KCNJ9: variants seen among roughly 807,000 people sequenced by gnomAD.
The protein encoded by KCNJ9 is G protein-activated inward rectifier potassium channel 3.
In KCNJ9, 18 loss-of-function variants were observed where a neutral mutation model predicts 27.9. That is an observed-to-expected ratio of 0.65 (90% CI 0.45 to 0.96). The LOEUF is 0.96. Among genes scored for constraint, KCNJ9 ranks in the 40% least tolerant of loss-of-function variants. KCNJ9 has a pLI of 0.00. For missense variants in KCNJ9, 324 were observed against 557.5 expected, an observed-to-expected ratio of 0.58 and a Z score of 4.22; for synonymous variants, 229 against 248.2, an observed-to-expected ratio of 0.92 and a Z score of 0.73.
chr1:160,084,058 C>T lies in KCNJ9; in HGVS notation c.28C>T (p.Pro10Ser), dbSNP rs1649731150. The T allele has an allele frequency of 6.5e-7, 1 of 1,528,570 alleles. No individual in the cohort carries two copies. Among genetic ancestry groups the T allele is most frequent in the East Asian group, 2.5e-5 (1 of 40,560 alleles). 94.7% of individuals were successfully genotyped at this position (1,528,570 alleles called of 1,614,324 possible). Residue 10 changes from proline to serine, a missense_variant, in exon 2 of 3, where the codon CCC becomes TCC. Physicochemically the swap from Pro to Ser is moderately conservative, Grantham distance 74. This residue lies in a region of KCNJ9 where 32 missense variants were observed against 31.7 expected (regional missense o/e 1.01). Coordinates refer to ENST00000368088, the MANE Select transcript of KCNJ9 (RefSeq NM_004983.3). MAQENAAFSPGQEEPPRRRG... is the reference protein window; with the variant it reads MAQENAAFSSGQEEPPRRRG... ...GGCGCAGGAGAACGCGGCCTTCTCG[C>T]CCGGGCAGGAGGAGCCGCCGCGGCG...
At chr1:160,082,963 G>C (rs1343818260) in intron 1 of KCNJ9, among the ~76,000 whole-genome samples, 2 of 152,182 alleles carry the variant, frequency 1.3e-5, no homozygotes, top group Non-Finnish European at 2.9e-5. Context: ...TGTTAGGATA[G>C]TCCATGGGAA....
rs761164130 is a variant in KCNJ9 at position 160,087,469 on chromosome 1, G to A, written c.851-17G>A. On this transcript the variant is annotated splice_polypyrimidine_tract_variant and intron_variant, in intron 2 of 2. Transcript: ENST00000368088. ...CCTGGAGCTGAGATTCCCCCTGACC[G>A]GTGCCCCTCCTCCCAGGAATGACAT... The A allele has an allele frequency of 2.1e-5, 33 of 1,577,400 alleles. No individual in the cohort carries two copies. Among genetic ancestry groups the A allele is most frequent in the Admixed American group, 6.9e-5 (4 of 58,130 alleles).
chr1:160,089,877 T>C lies in KCNJ9; in HGVS notation c.*2060T>C, dbSNP rs780651944. 2.6e-5 allele frequency: 4 copies of C among 152,640 alleles called. No individual in the cohort carries two copies. The highest frequency in any genetic ancestry group is 7.2e-5 in the African/African-American group (3 of 41,432). 9.5% of individuals were successfully genotyped at this position (152,640 alleles called of 1,614,324 possible). ...CTGGCCACATCCCACTCCTGCCCTT[T>C]CATAAGCCCCCTGGGGAAAGCACTC... On this transcript the variant is annotated 3_prime_UTR_variant, in exon 3 of 3. Coordinates refer to ENST00000368088, the MANE Select transcript of KCNJ9 (RefSeq NM_004983.3).
Position 160,087,777 on chromosome 1 carries a change from A to G in KCNJ9, c.1142A>G (p.Asn381Ser). The G allele has an allele frequency of 6.7e-7, 1 of 1,501,256 alleles. No individual in the cohort carries two copies. 93.0% of individuals were successfully genotyped at this position (1,501,256 alleles called of 1,614,324 possible). The change falls in exon 3 of 3, where the codon AAT becomes AGT. Residue 381 changes from asparagine to serine, a missense_variant. Coordinates refer to ENST00000368088, the MANE Select transcript of KCNJ9 (RefSeq NM_004983.3). ...GAAGCTGGGGCTGACAAGGAGCAGA[A>G]TGGCTGCCTGCCACCCCCAGAGAGT... ...GGEAGADKEQ[N>S]GCLPPPESES...
In KCNJ9 at chr1:160,088,579, A is replaced by T. The variant is rs1649830278; in HGVS notation, c.*762A>T. 1 of 152,630 alleles carries T rather than the reference A, an allele frequency of 6.6e-6. No homozygotes were observed. Among genetic ancestry groups the T allele is most frequent in the African/African-American group, 2.4e-5 (1 of 41,416 alleles). 9.5% of individuals were successfully genotyped at this position (152,630 alleles called of 1,614,324 possible). ...GGGGCCTGGGAAAGGAAAACCAGGG[A>T]TAGCTATTTTCTTACAGTGGAGTGA... On this transcript the variant is annotated 3_prime_UTR_variant, in exon 3 of 3. Transcript: ENST00000368088.
At position 160,088,888 on chromosome 1, in the gene KCNJ9, T is replaced by C. The variant is rs1649835165; in HGVS notation, c.*1071T>C. ...AGGGATAATTCAAACTGACAACCTGTGCAGTCCCGTGGAGGGTAGGGGAGT... is the reference window on the plus strand; with the variant it reads ...AGGGATAATTCAAACTGACAACCTGCGCAGTCCCGTGGAGGGTAGGGGAGT... On this transcript the variant is annotated 3_prime_UTR_variant, in exon 3 of 3. Transcript: ENST00000368088. The C allele has an allele frequency of 6.6e-6, 1 of 152,192 alleles. No homozygotes were observed. Among genetic ancestry groups the C allele is most frequent in the Non-Finnish European group, 1.5e-5 (1 of 68,060 alleles). 9.4% of individuals were successfully genotyped at this position (152,192 alleles called of 1,614,324 possible). A position where few individuals can be genotyped will look rare whatever the true frequency, so the allele number is the denominator to read the frequency against.
At position 160,087,712 on chromosome 1, in the gene KCNJ9, G is replaced by A; in HGVS notation, c.1077G>A (p.Glu359=). The change falls in exon 3 of 3, where the codon GAG becomes GAA. Residue 359 remains glutamate, a synonymous_variant. Transcript: ENST00000368088. ...LYWSIPSRLD[E]KVEEEGAGEG... is the part of the protein sequence containing the mutation. ...GGTCCATCCCCAGCCGGCTGGATGA[G>A]AAGGTGGAGGAGGAGGGGGCGGGGG... 8.0e-7 allele frequency: 1 copy of A among 1,244,226 alleles called. No homozygotes were observed. Among genetic ancestry groups the A allele is most frequent in the Non-Finnish European group, 1.1e-6 (1 of 939,926 alleles). The allele number at this position is 1,244,226 out of a possible 1,614,324, so 77.1% of individuals were successfully genotyped here.
chr1:160,081,967 T>C (rs760995980), intron 1 of KCNJ9, among the ~76,000 whole-genome samples: 1 of 152,234 alleles, frequency 6.6e-6, no homozygotes, highest in Non-Finnish European at 1.5e-5. Flanking sequence ...AATCAAGTCC[T>C]TGATCTTGAG....
In KCNJ9 at chr1:160,087,474, C is replaced by A. The variant is rs757740332; in HGVS notation, c.851-12C>A. The A allele has an allele frequency of 3.2e-6, 5 of 1,582,194 alleles. No individual in the cohort carries two copies. The highest frequency in any genetic ancestry group is 4.3e-6 in the Non-Finnish European group (5 of 1,161,186). ...AGCTGAGATTCCCCCTGACCGGTGC[C>A]CCTCCTCCCAGGAATGACATGCCAA... On this transcript the variant is annotated splice_polypyrimidine_tract_variant and intron_variant, in intron 2 of 2. Transcript: ENST00000368088.
intron 2 of KCNJ9, 145 bp from the exon 3 acceptor site, chr1:160,087,341 G>A (rs562771814): frequency 2.4e-6 from 3 of 1,248,230 alleles, no homozygotes; most frequent in Non-Finnish European, 3.1e-6. Context: ...GAGCTAGGGA[G>A]GGGGGGAAAT....
Position 160,084,717 on chromosome 1 carries a change from C to A in KCNJ9, c.687C>A (p.Ser229Arg). Residue 229 changes from serine (S) to arginine (R), a missense_variant, in exon 2 of 3, where the codon AGC becomes AGA. Coordinates refer to ENST00000368088, the MANE Select transcript of KCNJ9 (RefSeq NM_004983.3). Reference protein sequence around the residue: ...EFIPLHQTDLSVGFDTGDDRL... With the variant: ...EFIPLHQTDLRVGFDTGDDRL... ...TCCCGCTGCACCAGACCGACCTCAG[C>A]GTGGGCTTCGACACGGGAGACGACC... The A allele has an allele frequency of 1.3e-6, 2 of 1,588,816 alleles. No individual in the cohort carries two copies. Among genetic ancestry groups the A allele is most frequent in the Admixed American group, 3.5e-5 (2 of 56,982 alleles).
rs1649846912 is a variant in KCNJ9 at position 160,089,350 on chromosome 1, C to T, written c.*1533C>T. ...TTAACTTTGGGCCCAGAAACTCAAC[C>T]ATCAATGGAAACAGGGCAGTGACAA... On this transcript the variant is annotated 3_prime_UTR_variant, in exon 3 of 3. Coordinates refer to ENST00000368088, the MANE Select transcript of KCNJ9 (RefSeq NM_004983.3). 6.6e-6 allele frequency: 1 copy of T among 152,154 alleles called. No individual in the cohort carries two copies. 9.4% of individuals were successfully genotyped at this position (152,154 alleles called of 1,614,324 possible). A position where few individuals can be genotyped will look rare whatever the true frequency, so the allele number is the denominator to read the frequency against.
chr1:160,084,693 C>T lies in KCNJ9; in HGVS notation c.663C>T (p.Ile221=). The change falls in exon 2 of 3, where the codon ATC becomes ATT. Residue 221 remains isoleucine, a synonymous_variant. Coordinates refer to ENST00000368088, the MANE Select transcript of KCNJ9 (RefSeq NM_004983.3). ...RSRQTLEGEF[I]PLHQTDLSVG... Reference sequence around the variant, plus strand: ...GCCAGACGCTGGAGGGCGAGTTCATCCCGCTGCACCAGACCGACCTCAGCG... The same window carrying T: ...GCCAGACGCTGGAGGGCGAGTTCATTCCGCTGCACCAGACCGACCTCAGCG... The T allele has an allele frequency of 1.3e-6, 2 of 1,592,662 alleles. No individual in the cohort carries two copies. Among genetic ancestry groups the T allele is most frequent in the Non-Finnish European group, 1.7e-6 (2 of 1,169,350 alleles).
Position 160,084,561 on chromosome 1 carries a change from C to T in KCNJ9, c.531C>T (p.Ala177=). 6.2e-7 allele frequency: 1 copy of T among 1,611,398 alleles called. No individual in the cohort carries two copies. ...CCACGCTCGTCTTCTCCTCGCACGC[C>T]GTGGTGTCGCTGCGCGACGGGCGCC... The part of the protein sequence containing the change: ...RAATLVFSSH[A]VVSLRDGRLC... Residue 177 remains alanine (A), a synonymous_variant, in exon 2 of 3, where the codon GCC becomes GCT. Coordinates refer to ENST00000368088, the MANE Select transcript of KCNJ9 (RefSeq NM_004983.3).
chr1:160,084,846 C>T lies in KCNJ9; in HGVS notation c.816C>T (p.Ile272=). 6.5e-7 allele frequency: 1 copy of T among 1,538,072 alleles called. No individual in the cohort carries two copies. The highest frequency in any genetic ancestry group is 8.8e-7 in the Non-Finnish European group (1 of 1,141,036). ...CCCTCGAGAGGGACGACTTCGAGATCGTCGTTATCCTCGAGGGCATGGTGG... is the reference window on the plus strand; with the variant it reads ...CCCTCGAGAGGGACGACTTCGAGATTGTCGTTATCCTCGAGGGCATGGTGG... ...RRALERDDFE[I]VVILEGMVEA... is the part of the protein sequence containing the mutation. The change falls in exon 2 of 3, where the codon ATC becomes ATT. Residue 272 remains isoleucine, a synonymous_variant. Coordinates refer to ENST00000368088, the MANE Select transcript of KCNJ9 (RefSeq NM_004983.3).
At position 160,084,344 on chromosome 1, in the gene KCNJ9, A is replaced by ACC; in HGVS notation, c.315_316insCC (p.Gly106ProfsTer45). 4 of 1,613,554 alleles carry ACC rather than the reference A, an allele frequency of 2.5e-6. No individual in the cohort carries two copies. Among genetic ancestry groups the ACC allele is most frequent in the Non-Finnish European group, 3.4e-6 (4 of 1,179,934 alleles). ...TGGACGCCGTGCGTCAACAACCTCA[A>ACC]CGGCTTCGTGGCCGCCTTCCTCTTC... On this transcript the variant is annotated frameshift_variant, in exon 2 of 3. Transcript: ENST00000368088. LOFTEE classifies it high-confidence loss of function.
In KCNJ9 at chr1:160,084,183, G is replaced by T. The variant is rs756965513; in HGVS notation, c.153G>T (p.Thr51=). ...TYRYLTDLFT[T]LVDLQWRLSL... ...GCTACCTGACGGACCTGTTCACCAC[G>T]CTGGTGGACCTGCAGTGGCGCCTCA... Residue 51 remains threonine, a synonymous_variant, in exon 2 of 3, where the codon ACG becomes ACT. Coordinates refer to ENST00000368088, the MANE Select transcript of KCNJ9 (RefSeq NM_004983.3). 6.2e-7 allele frequency: 1 copy of T among 1,609,386 alleles called. No individual in the cohort carries two copies.
rs1426014728 is a variant in KCNJ9 at position 160,084,552 on chromosome 1, C to T, written c.522C>T (p.Ser174=). ...AGCGCGCAGCCACGCTCGTCTTCTC[C>T]TCGCACGCCGTGGTGTCGCTGCGCG... The part of the protein sequence containing the change: ...PNKRAATLVF[S]SHAVVSLRDG... Residue 174 remains serine (S), a synonymous_variant, in exon 2 of 3, where the codon TCC becomes TCT. Transcript: ENST00000368088. The T allele has an allele frequency of 6.2e-7, 1 of 1,611,742 alleles. No individual in the cohort carries two copies. The highest frequency in any genetic ancestry group is 1.3e-5 in the African/African-American group (1 of 74,928).
chr1:160,084,847 G>T lies in KCNJ9; in HGVS notation c.817G>T (p.Val273Phe). 1 of 1,539,844 alleles carries T rather than the reference G, an allele frequency of 6.5e-7. No individual in the cohort carries two copies. Residue 273 changes from valine to phenylalanine, a missense_variant, in exon 2 of 3, where the codon GTC becomes TTC. Physicochemically the swap from Val to Phe is conservative, Grantham distance 50. This residue lies in a region of KCNJ9 where 241 missense variants were observed against 481.7 expected (regional missense o/e 0.50). Transcript: ENST00000368088. Reference protein sequence around the residue: ...RALERDDFEIVVILEGMVEAT... With the variant: ...RALERDDFEIFVILEGMVEAT... Reference sequence around the variant, plus strand: ...CCTCGAGAGGGACGACTTCGAGATCGTCGTTATCCTCGAGGGCATGGTGGA... The same window carrying T: ...CCTCGAGAGGGACGACTTCGAGATCTTCGTTATCCTCGAGGGCATGGTGGA...
Sources: gnomAD v4.1 joint callset for allele counts (sites outside exome capture counted in the v4.1 genomes callset) on GRCh38, gnomAD v4.1.1 for gene constraint, gnomAD v4.1.1 regional missense constraint, MANE v1.5 for transcripts, NCBI Gene and HGNC (gene_info 2026-07-23, HGNC 2026-07-21) for gene names.